The following OPA1 variants were observed in gnomAD, a reference collection of about 807,000 sequenced individuals.
OPA1 encodes dynamin-like GTPase OPA1, mitochondrial.
OPA1 carries 59 observed loss-of-function variants against 152.9 expected under a neutral mutation model. The observed-to-expected ratio is 0.39, with a 90% CI of 0.31 to 0.48. The LOEUF is 0.48. Ranked by LOEUF, OPA1 falls within the 20% of genes least tolerant of loss-of-function variation. The pLI, the probability that OPA1 is intolerant of heterozygous loss-of-function variation, is 0.96. For missense variants in OPA1, 1,008 were observed against 1,216.8 expected (o/e 0.83, Z 2.55); for synonymous variants, 400 against 389.9 (o/e 1.03, Z -0.31).
intron 29 of OPA1, among the ~76,000 whole-genome samples, chr3:193,687,131 A>G (rs1243891580): frequency 6.6e-6 from 1 of 152,246 alleles, no homozygotes; most frequent in Non-Finnish European, 1.5e-5. Flanking sequence ...GAAGACCCAA[A>G]AAGAAAATGA....
At chr3:193,666,970 A>G (rs961926368) in intron 28 of OPA1, among the ~76,000 whole-genome samples, 200 bp from the exon 29 acceptor site, 5 of 152,182 alleles carry the variant, frequency 3.3e-5, no homozygotes, top group African/African-American at 1.2e-4. Flanking sequence ...ATAGCTTAAG[A>G]ATATGACATT....
At chr3:193,633,120 G>A (rs138447437) in intron 8 of OPA1, among the ~76,000 whole-genome samples, 19 of 152,170 alleles carry the variant, frequency 1.2e-4, no homozygotes, top group Non-Finnish European at 2.4e-4. Context: ...ATGTTTTTAA[G>A]GGTTCCTAGC....
At chr3:193,643,732 A>C in intron 15 of OPA1, 105 bp downstream of exon 15, 2 of 1,070,938 alleles carry the variant, frequency 1.9e-6, no homozygotes, top group Non-Finnish European at 2.8e-6. Context: ...AGATAAATGC[A>C]TTTTTGCCTT....
chr3:193,615,589 TTAA>T, intron 2 of OPA1, 82 bp from the exon 3 acceptor site: 1 of 821,134 alleles, frequency 1.2e-6, no homozygotes, highest in East Asian at 2.5e-5. Flanking sequence ...TCTTAGTAGA[TTAA>T]TGTGTTTTAA....
intron 1 of OPA1, among the ~76,000 whole-genome samples, chr3:193,607,962 G>A (rs1474436345): frequency 1.3e-5 from 2 of 152,134 alleles, no homozygotes; most frequent in Admixed American, 6.5e-5. Context: ...AGTTCTCCTT[G>A]AAGAGGTCTT....
At chr3:193,688,280 T>A (rs1721184815) in intron 29 of OPA1, among the ~76,000 whole-genome samples, 1 of 152,022 alleles carries the variant, frequency 6.6e-6, no homozygotes, top group South Asian at 2.1e-4. Flanking sequence ...TACTCCTGTA[T>A]TGTTCTCCAG....
At chr3:193,651,207 C>A (rs1374040160) in intron 21 of OPA1, among the ~76,000 whole-genome samples, 1 of 152,088 alleles carries the variant, frequency 6.6e-6, no homozygotes, top group East Asian at 1.9e-4. Context: ...AGGATTAGGT[C>A]AGGTTTGCAT....
At chr3:193,623,064 T>C (rs939754389) in intron 6 of OPA1, among the ~76,000 whole-genome samples, 1 of 152,204 alleles carries the variant, frequency 6.6e-6, no homozygotes, top group African/African-American at 2.4e-5. Context: ...CAACAAATAA[T>C]GTAGTAACTG....
At chr3:193,623,042 G>A (rs1730439235) in intron 6 of OPA1, among the ~76,000 whole-genome samples, 1 of 152,082 alleles carries the variant, frequency 6.6e-6, no homozygotes. Flanking sequence ...TGCTTTTCTG[G>A]GATTTCTTAT....
chr3:193,601,108 C>G (rs934806699), intron 1 of OPA1, among the ~76,000 whole-genome samples: 2 of 152,060 alleles, frequency 1.3e-5, no homozygotes, highest in East Asian at 1.9e-4. Flanking sequence ...GTAGCTTCTA[C>G]CCATCTGAAA....
At chr3:193,683,273 CTTTT>C (rs35730104) in intron 29 of OPA1, among the ~76,000 whole-genome samples, 1 of 140,678 alleles carries the variant, frequency 7.1e-6, no homozygotes. Flanking sequence ...TTTCTTTTTT[CTTTT>C]TTTTTTTTTT....
intron 27 of OPA1, among the ~76,000 whole-genome samples, chr3:193,665,496 A>G (rs1716322288): frequency 6.6e-6 from 1 of 152,134 alleles, no homozygotes; most frequent in Non-Finnish European, 1.5e-5. Context: ...ATTTCTTCAT[A>G]TCACTAAATC....
intron 27 of OPA1, 95 bp from the exon 28 acceptor site, chr3:193,666,201 G>A: frequency 9.9e-7 from 1 of 1,014,548 alleles, no homozygotes; most frequent in African/African-American, 1.6e-5. Context: ...TTTAAGCTTA[G>A]GACATATCTA....
chr3:193,617,729 G>T, intron 4 of OPA1, 55 bp from the exon 5 acceptor site: 1 of 1,291,838 alleles, frequency 7.7e-7, no homozygotes, highest in Non-Finnish European at 1.1e-6. Context: ...ATCTTTGTTT[G>T]CTCATTTCTG....
At chr3:193,605,946 A>C (rs767374706) in intron 1 of OPA1, among the ~76,000 whole-genome samples, 1 of 152,158 alleles carries the variant, frequency 6.6e-6, no homozygotes, top group African/African-American at 2.4e-5. Flanking sequence ...CATAAGGACT[A>C]TACACAACTC....
intron 3 of OPA1, 110 bp from the exon 4 acceptor site, chr3:193,617,068 T>A: frequency 4.3e-6 from 3 of 700,266 alleles, no homozygotes; most frequent in Non-Finnish European, 7.6e-6. Context: ...TAGTAGCTGT[T>A]TTGTAGGGTT....
At chr3:193,625,345 A>C (rs2108936368) in intron 6 of OPA1, among the ~76,000 whole-genome samples, 1 of 152,196 alleles carries the variant, frequency 6.6e-6, no homozygotes, top group Admixed American at 6.5e-5. Context: ...TCCATATCTT[A>C]ATTGTGTTTT....
intron 8 of OPA1, among the ~76,000 whole-genome samples, chr3:193,633,988 G>T (rs1025492219): frequency 6.6e-6 from 1 of 152,094 alleles, no homozygotes; most frequent in South Asian, 2.1e-4. Context: ...TTATGTATGC[G>T]TTCTTTTAAT....
intron 1 of OPA1, among the ~76,000 whole-genome samples, chr3:193,603,745 G>A (rs1726805010): frequency 6.6e-6 from 1 of 152,196 alleles, no homozygotes; most frequent in African/African-American, 2.4e-5. Context: ...ATTTTGGGTG[G>A]TAACAGCATA....
Sources: gnomAD v4.1 joint callset for allele counts (sites outside exome capture counted in the v4.1 genomes callset) on GRCh38, gnomAD v4.1.1 for gene constraint, MANE v1.5 for transcripts, NCBI Gene and HGNC (gene_info 2026-07-23, HGNC 2026-07-21) for gene names.